NLRP1: variants seen among roughly 807,000 people sequenced by gnomAD.
NLRP1 encodes the protein NLR family pyrin domain containing 1.
A neutral mutation model predicts 136.7 loss-of-function variants in NLRP1; 94 were observed. That is an observed-to-expected ratio of 0.69 (90% confidence interval 0.58 to 0.82). The LOEUF is 0.82. NLRP1 is among the 40% of genes least tolerant of loss of function. NLRP1 has a pLI of 0.00. For synonymous variants in NLRP1, 690 were observed against 725.1 expected, an observed-to-expected ratio of 0.95 and a Z score of 0.78; for missense variants, 1,575 against 1,802.7, an observed-to-expected ratio of 0.87 and a Z score of 2.29.
At chr17:5,530,368 C>G (rs1910085487) in intron 12 of NLRP1, 113 bp downstream of exon 12, 2 of 875,496 alleles carry the variant, frequency 2.3e-6, no homozygotes, top group South Asian at 1.6e-5. Flanking sequence ...ATAACCCCCC[C>G]TCGGCCCCTC....
In NLRP1 at chr17:5,544,795, A is replaced by G. The variant is rs78296928; in HGVS notation, c.2529-2768T>C. On this transcript the variant is annotated intron_variant, in intron 5 of 16. Transcript: ENST00000572272. The stretch of plus-strand genomic sequence containing the variant: ...TGCAGTTGGTTCTGAGAGGAGGAAC[A>G]GTTTGTTTTTAGTTAGGGAGGATAG... Among the ~76,000 whole-genome samples the G allele has an allele frequency of 1.7e-3, 256 of 152,238 alleles. 1 individual carries two copies. The highest frequency in any genetic ancestry group is 2.7e-3 in the Non-Finnish European group (186 of 68,008).
At chr17:5,565,061 C>T (rs757212946) in intron 3 of NLRP1, among the ~76,000 whole-genome samples, 2 of 152,262 alleles carry the variant, frequency 1.3e-5, no homozygotes, top group East Asian at 1.9e-4. Context: ...TGAGGAAACT[C>T]CAAACTGTTC....
intron 4 of NLRP1, among the ~76,000 whole-genome samples, chr17:5,555,669 C>A (rs149966664): frequency 1.1e-3 from 160 of 152,292 alleles, no homozygotes; most frequent in Admixed American, 2.9e-3. Flanking sequence ...GCCTACCTCA[C>A]ATTTATAACT....
intron 5 of NLRP1, among the ~76,000 whole-genome samples, chr17:5,546,706 A>G (rs768557578): frequency 3.9e-5 from 6 of 152,226 alleles, no homozygotes; most frequent in Non-Finnish European, 7.3e-5. Context: ...AAAAAGCAAA[A>G]TACATACAAA....
At chr17:5,562,473 A>C (rs1393809764) in intron 3 of NLRP1, among the ~76,000 whole-genome samples, 1 of 152,172 alleles carries the variant, frequency 6.6e-6, no homozygotes, top group Non-Finnish European at 1.5e-5. Flanking sequence ...AACACCCAAC[A>C]AAAGAAATGC....
Position 5,582,066 on chromosome 17 carries a change from G to C in NLRP1, c.449-4C>G. ...TAGAGGAGTGAGGCAGAGATTTCTG[G>C]GGGGAATGAAAAGAAAAATAACCAT... On this transcript the variant is annotated splice_region_variant and splice_polypyrimidine_tract_variant and intron_variant, in intron 2 of 16. Coordinates refer to ENST00000572272, the MANE Select transcript of NLRP1 (RefSeq NM_033004.4). 6.2e-7 allele frequency: 1 copy of C among 1,607,370 alleles called. No individual in the cohort carries two copies. The highest frequency in any genetic ancestry group is 8.5e-7 in the Non-Finnish European group (1 of 1,175,618).
downstream of NLRP1, chr17:5,512,329 G>A (rs56882959): frequency 0.013 from 17,641 of 1,391,816 alleles, 1,141 homozygotes; most frequent in East Asian, 0.13. Context: ...GCCAAGAGGC[G>A]GGTCTACTTT....
At position 5,559,178 on chromosome 17, in the gene NLRP1, C is replaced by T. The variant is rs1567661005; in HGVS notation, c.1518G>A (p.Leu506=). The T allele has an allele frequency of 1.2e-6, 2 of 1,614,176 alleles. No homozygotes were observed. The highest frequency in any genetic ancestry group is 1.7e-6 in the Non-Finnish European group (2 of 1,180,034). Residue 506 remains leucine (L), a synonymous_variant, in exon 4 of 17, where the codon TTG becomes TTA. Transcript: ENST00000572272. The part of the protein sequence containing the change: ...DERQAIRAFR[L]VKSNKELWAL... ...CCCAGAGCTCTTTGTTTGATTTGAC[C>T]AACCTAAAGGCTCTAATTGCTTGCC...
In NLRP1 at chr17:5,558,374, C is replaced by T. The variant is rs139871060; in HGVS notation, c.2322G>A (p.Gln774=). The change falls in exon 4 of 17, where the codon CAG becomes CAA. Residue 774 remains glutamine (Q), a synonymous_variant. Transcript: ENST00000572272. The part of the protein sequence containing the change: ...VKKLQLIEGR[Q]HRSTWSPTMV... Reference sequence around the variant, plus strand: ...TGGTGGGGCTCCATGTTGATCTGTGCTGCCTGCCCTCAATCAGCTGAAGCT... The same window carrying T: ...TGGTGGGGCTCCATGTTGATCTGTGTTGCCTGCCCTCAATCAGCTGAAGCT... 328 of 1,613,054 alleles carry T rather than the reference C, an allele frequency of 2.0e-4. No homozygotes were observed. The highest frequency in any genetic ancestry group is 3.7e-4 in the Admixed American group (22 of 59,896).
intron 3 of NLRP1, among the ~76,000 whole-genome samples, chr17:5,572,157 C>G (rs1904434324): frequency 6.6e-6 from 1 of 152,148 alleles, no homozygotes; most frequent in Non-Finnish European, 1.5e-5. Flanking sequence ...TTGAAGAAAA[C>G]TTAGGAAATA....
downstream of NLRP1, chr17:5,512,191 A>T: frequency 8.3e-7 from 1 of 1,209,650 alleles, no homozygotes; most frequent in Non-Finnish European, 1.2e-6. Flanking sequence ...ATCTTTCTTT[A>T]AATGTTCCAC....
intron 7 of NLRP1, among the ~76,000 whole-genome samples, chr17:5,538,361 C>T (rs140432884): frequency 1.0e-3 from 157 of 152,014 alleles, no homozygotes; most frequent in Non-Finnish European, 1.6e-3. Flanking sequence ...TTCAGTTCTC[C>T]GGGGCTCAAG....
chr17:5,559,243 T>C lies in NLRP1; in HGVS notation c.1453A>G (p.Ser485Gly). 6.2e-7 allele frequency: 1 copy of C among 1,614,194 alleles called. No individual in the cohort carries two copies. The highest frequency in any genetic ancestry group is 1.3e-5 in the African/African-American group (1 of 75,040). ...TATCTGTAGAAATATTCCTTCCTGC[T>C]GGACTCAGAGAACCCCAGGACCTCT... is the stretch of plus-strand genomic sequence containing the variant. ...WVEVLGFSES[S>G]RKEYFYRYFT... The change falls in exon 4 of 17, where the codon AGC becomes GGC. Residue 485 changes from serine to glycine, a missense_variant. Coordinates refer to ENST00000572272, the MANE Select transcript of NLRP1 (RefSeq NM_033004.4).
chr17:5,572,260 A>G (rs1164037202), intron 3 of NLRP1, among the ~76,000 whole-genome samples: 1 of 152,254 alleles, frequency 6.6e-6, no homozygotes, highest in African/African-American at 2.4e-5. Context: ...GGACCTAATT[A>G]AACTAGAGAA....
chr17:5,562,611 C>T (rs560496553), intron 3 of NLRP1, among the ~76,000 whole-genome samples: 5 of 152,304 alleles, frequency 3.3e-5, no homozygotes, highest in East Asian at 1.9e-4. Context: ...TGAAGAACCA[C>T]GCAGCAGAGT....
chr17:5,582,362 T>C (rs1019380057), intron 2 of NLRP1, among the ~76,000 whole-genome samples: 1 of 152,070 alleles, frequency 6.6e-6, no homozygotes, highest in Non-Finnish European at 1.5e-5. Flanking sequence ...CCATCAATAT[T>C]ATGAGCTGAG....
In NLRP1 at chr17:5,584,067, CA is replaced by C; in HGVS notation, c.-111del. On this transcript the variant is annotated 5_prime_UTR_variant, in exon 1 of 17. The change abolishes the stop of an existing upstream ORF in the 5' untranslated region. Transcript: ENST00000572272. ...GCCTTGGCTCTTACCGTCTCTTATT[CA>C]GCATTCGGAACCCAGTTTTATAAAT... 9.2e-7 allele frequency: 1 copy of C among 1,082,510 alleles called. No individual in the cohort carries two copies. The highest frequency in any genetic ancestry group is 1.3e-6 in the Non-Finnish European group (1 of 768,868). The allele number at this position is 1,082,510 out of a possible 1,614,324, so 67.1% of individuals were successfully genotyped here. A position where few individuals can be genotyped will look rare whatever the true frequency, so the allele number is the denominator to read the frequency against.
chr17:5,552,691 A>C (rs1879483029), intron 5 of NLRP1, among the ~76,000 whole-genome samples: 1 of 152,172 alleles, frequency 6.6e-6, no homozygotes, highest in African/African-American at 2.4e-5. Flanking sequence ...GCTCTCTTAC[A>C]TCTAGCCACT....
At position 5,514,712 on chromosome 17, in the gene NLRP1, G is replaced by A. The variant is rs1245486800; in HGVS notation, c.*42C>T. 1.3e-5 allele frequency: 21 copies of A among 1,602,658 alleles called. No individual in the cohort carries two copies. The highest frequency in any genetic ancestry group is 1.7e-5 in the Non-Finnish European group (20 of 1,171,588). Reference sequence around the variant, plus strand: ...GAAACTGAGACCCAAAGAAGGGTCAGCCAAAGCCAGGACTCAAGGGTCAAG... The same window carrying A: ...GAAACTGAGACCCAAAGAAGGGTCAACCAAAGCCAGGACTCAAGGGTCAAG... On this transcript the variant is annotated 3_prime_UTR_variant, in exon 17 of 17. Coordinates refer to ENST00000572272, the MANE Select transcript of NLRP1 (RefSeq NM_033004.4).
Sources: allele counts gnomAD v4.1 joint callset (sites outside exome capture counted in the v4.1 genomes callset), GRCh38; gene constraint gnomAD v4.1.1; transcripts MANE v1.5; gene names NCBI Gene and HGNC (gene_info 2026-07-23, HGNC 2026-07-21).